The following LDLRAD4 variants were observed in gnomAD, a reference collection of about 807,000 sequenced individuals.
LDLRAD4 encodes low density lipoprotein receptor class A domain containing 4, also known as low-density lipoprotein receptor class A domain-containing protein 4.
In LDLRAD4, 5 loss-of-function variants were observed where a neutral mutation model predicts 17.0. The observed-to-expected ratio is 0.29, with a 90% CI of 0.15 to 0.62. The LOEUF is 0.62. Among genes scored for constraint, LDLRAD4 ranks in the 20% least tolerant of loss-of-function variants. The probability of loss-of-function intolerance (pLI) is 0.84; values close to 1 mark genes in which losing one functional copy is unlikely to be tolerated. For missense variants in LDLRAD4, 340 were observed against 424.7 expected (o/e 0.80, Z 1.75); for synonymous variants, 168 against 171.8 (o/e 0.98, Z 0.17).
intron 1 of LDLRAD4, among the ~76,000 whole-genome samples, chr18:13,355,785 C>T (rs2083299332): frequency 6.6e-6 from 1 of 152,042 alleles, no homozygotes; most frequent in Non-Finnish European, 1.5e-5. Context: ...GCATGTGCCA[C>T]CATGCCTGGC....
chr18:13,378,628 A>G (rs544549755), intron 1 of LDLRAD4, among the ~76,000 whole-genome samples: 1 of 152,340 alleles, frequency 6.6e-6, no homozygotes, highest in Non-Finnish European at 1.5e-5. Flanking sequence ...AGCCAATCAA[A>G]TATCAAGAGC....
chr18:13,509,887 C>T (rs2093750906), intron 3 of LDLRAD4, among the ~76,000 whole-genome samples: 1 of 152,198 alleles, frequency 6.6e-6, no homozygotes, highest in African/African-American at 2.4e-5. Flanking sequence ...AAAAAGATTA[C>T]AACACAATGA....
chr18:13,333,150 C>G (rs1437587650), intron 1 of LDLRAD4, among the ~76,000 whole-genome samples: 13 of 152,158 alleles, frequency 8.5e-5, no homozygotes, highest in Admixed American at 8.5e-4. Context: ...TTTTAATTTT[C>G]ATTTTCCTGA....
intron 2 of LDLRAD4, chr18:13,420,497 C>T (rs1000826610): frequency 2.6e-5 from 4 of 152,268 alleles, no homozygotes; most frequent in Non-Finnish European, 5.9e-5. Flanking sequence ...TCTGAGCGTT[C>T]TGTGGGCATT....
intron 1 of LDLRAD4, among the ~76,000 whole-genome samples, chr18:13,284,895 C>T (rs1460082280): frequency 1.3e-5 from 2 of 152,220 alleles, no homozygotes; most frequent in Admixed American, 6.5e-5. Flanking sequence ...GCAGCAGTCC[C>T]CATAAGTCAC....
intron 3 of LDLRAD4, among the ~76,000 whole-genome samples, chr18:13,501,584 C>CTT (rs11324432): frequency 6.8e-6 from 1 of 147,826 alleles, no homozygotes. Context: ...AATTGTGTTG[C>CTT]TTTTTTTTTT....
upstream of LDLRAD4, among the ~76,000 whole-genome samples, chr18:13,275,005 A>G (rs1334949670): frequency 6.6e-6 from 1 of 151,850 alleles, no homozygotes; most frequent in Non-Finnish European, 1.5e-5. Context: ...CAGCCTCTGC[A>G]CTGTAGTCTG....
intron 1 of LDLRAD4, among the ~76,000 whole-genome samples, chr18:13,243,766 TTACCCATCCATCCGTC>T (rs1249835445): frequency 5.0e-5 from 7 of 140,262 alleles, no homozygotes; most frequent in African/African-American, 1.9e-4. Flanking sequence ...ATCCATCAAT[TTACCCATCCATCCGTC>T]TACCCATCCA....
intron 3 of LDLRAD4, among the ~76,000 whole-genome samples, chr18:13,511,501 G>C (rs896988728): frequency 6.6e-6 from 1 of 152,192 alleles, no homozygotes; most frequent in Non-Finnish European, 1.5e-5. Flanking sequence ...GACAGAGTGA[G>C]ACTCCGTCTC....
rs76381334 is a variant in LDLRAD4, at chr18:13,473,283, C to T, written c.181+34899C>T. 3.4e-3 allele frequency among the ~76,000 whole-genome samples: 514 copies of T among 152,328 alleles called. 4 individuals carry two copies. Among genetic ancestry groups the T allele is most frequent in the African/African-American group, 0.012 (487 of 41,580 alleles). On this transcript the variant is annotated intron_variant, in intron 3 of 5. Coordinates refer to ENST00000359446, the Ensembl canonical transcript of LDLRAD4. ...AGCACGTGGCCTGGATTCTTCATCC[C>T]ATCTCCAGCTTCTCTAGTTGTTTAT...
At chr18:13,298,554 T>C (rs529334214) in intron 1 of LDLRAD4, among the ~76,000 whole-genome samples, 1 of 148,578 alleles carries the variant, frequency 6.7e-6, no homozygotes, top group East Asian at 2.0e-4. Context: ...ATGGAGCTGC[T>C]CTGGGCACGG....
Position 13,508,382 on chromosome 18 carries a change from T to A in LDLRAD4, c.181+69998T>A, listed in dbSNP as rs1434723839. The stretch of plus-strand genomic sequence containing the variant: ...AGGTGGCTGCACTAAATAACAGATT[T>A]TCAGTGTAGGTGGAATAACCCTCTA... On this transcript the variant is annotated intron_variant, in intron 3 of 5. Transcript: ENST00000359446. Among the ~76,000 whole-genome samples, 13 of 152,172 alleles carry A rather than the reference T, an allele frequency of 8.5e-5. No homozygotes were observed. In the East Asian group the frequency reaches 1.3e-3, roughly 16 times the overall value.
At chr18:13,459,564 G>A (rs2092327761) in intron 3 of LDLRAD4, among the ~76,000 whole-genome samples, 2 of 151,836 alleles carry the variant, frequency 1.3e-5, no homozygotes, top group South Asian at 2.1e-4. Context: ...TGTATTTTTT[G>A]TAGAGATGGG....
chr18:13,442,205 C>T (rs915571143), intron 3 of LDLRAD4, among the ~76,000 whole-genome samples: 9 of 152,000 alleles, frequency 5.9e-5, no homozygotes, highest in Non-Finnish European at 1.0e-4. Context: ...CTTGTGGAAA[C>T]GAGGAATGAA....
At position 13,253,271 on chromosome 18, in the gene LDLRAD4, C is replaced by T. The variant is rs996447591; in HGVS notation, c.-466-24834C>T. ...GTGTGAGGCTGGAGACCAGGACCCT[C>T]GCCCGGAGCCTTGCTGTGATCGGCT... On this transcript the variant is annotated intron_variant, in intron 1 of 5. Coordinates refer to the LDLRAD4 transcript ENST00000399848. Among the ~76,000 whole-genome samples the T allele has an allele frequency of 1.8e-4, 27 of 152,032 alleles. 1 individual carries two copies. Among genetic ancestry groups the T allele is most frequent in the African/African-American group, 5.8e-4 (24 of 41,386 alleles).
chr18:13,263,101 C>T (rs1225674684), intron 1 of LDLRAD4, among the ~76,000 whole-genome samples: 18 of 119,898 alleles, frequency 1.5e-4, no homozygotes, highest in Admixed American at 5.5e-4. Context: ...GCTCTGTTTG[C>T]GTGGAAACTG....
chr18:13,422,995 C>G (rs2089625137), intron 2 of LDLRAD4, among the ~76,000 whole-genome samples: 1 of 152,144 alleles, frequency 6.6e-6, no homozygotes, highest in South Asian at 2.1e-4. Context: ...TGGGTTAATC[C>G]TGGCAGTCCT....
intron 1 of LDLRAD4, among the ~76,000 whole-genome samples, chr18:13,352,324 G>A (rs1291642167): frequency 2.0e-5 from 3 of 152,176 alleles, no homozygotes; most frequent in East Asian, 3.9e-4. Flanking sequence ...ACGTCAAATT[G>A]TCTCATTTTT....
intron 1 of LDLRAD4, among the ~76,000 whole-genome samples, chr18:13,369,163 C>A (rs2084280559): frequency 6.6e-6 from 1 of 152,200 alleles, no homozygotes; most frequent in Admixed American, 6.5e-5. Flanking sequence ...GGCTCACAGG[C>A]AGGGGACGTG....
Sources: gnomAD v4.1 joint callset for allele counts (sites outside exome capture counted in the v4.1 genomes callset) on GRCh38, gnomAD v4.1.1 for gene constraint, MANE v1.5 for transcripts, NCBI Gene and HGNC (gene_info 2026-07-23, HGNC 2026-07-21) for gene names.